Variants in ZNF618 observed in about 807,000 individuals in gnomAD.
ZNF618 encodes the protein zinc finger protein 618, also known as neural precursor cell expressed, developmentally down-regulated 10.
In ZNF618, 34 loss-of-function variants were observed where a neutral mutation model predicts 103.0. The observed-to-expected ratio is 0.33, with a 90% CI of 0.25 to 0.44. The LOEUF is 0.44. Among genes scored for constraint, ZNF618 ranks in the 20% least tolerant of loss-of-function variants. The pLI is 1.00. For missense variants in ZNF618, 1,059 were observed against 1,295.4 expected, an observed-to-expected ratio of 0.82 and a Z score of 2.80; for synonymous variants, 551 against 542.2, an observed-to-expected ratio of 1.02 and a Z score of -0.23.
At chr9:113,948,799 A>G (rs575487153) in intron 1 of ZNF618, among the ~76,000 whole-genome samples, 1 of 152,320 alleles carries the variant, frequency 6.6e-6, no homozygotes, top group Non-Finnish European at 1.5e-5. Flanking sequence ...AGCGCTGGTA[A>G]TAACAGGAAG....
chr9:114,049,786 G>A lies in ZNF618; in HGVS notation c.2484G>A (p.Lys828=). 1 of 1,614,026 alleles carries A rather than the reference G, an allele frequency of 6.2e-7. No individual in the cohort carries two copies. The highest frequency in any genetic ancestry group is 8.5e-7 in the Non-Finnish European group (1 of 1,179,910). Reference sequence around the variant, plus strand: ...ACCAGCACGAGGAGATCATCGGCAAGGTCTGTGAGCTCATCAACGAGGTGA... The same window carrying A: ...ACCAGCACGAGGAGATCATCGGCAAAGTCTGTGAGCTCATCAACGAGGTGA... The part of the protein sequence containing the change: ...PPYQHEEIIG[K]VCELINEVKE... The change falls in exon 15 of 15, where the codon AAG becomes AAA. Residue 828 remains lysine (K), a synonymous_variant. Transcript: ENST00000374126.
At chr9:113,925,161 G>A (rs370067401) in intron 1 of ZNF618, among the ~76,000 whole-genome samples, 109 of 152,060 alleles carry the variant, frequency 7.2e-4, no homozygotes, top group African/African-American at 2.5e-3. Context: ...TTCTGTTTTT[G>A]CTTCACATAT....
At chr9:114,006,779 C>T (rs976951031) in intron 6 of ZNF618, among the ~76,000 whole-genome samples, 1 of 152,166 alleles carries the variant, frequency 6.6e-6, no homozygotes, top group South Asian at 2.1e-4. Context: ...TGCTTTTAAA[C>T]TCACTCATGT....
At chr9:113,934,412 A>G (rs540463135) in intron 1 of ZNF618, among the ~76,000 whole-genome samples, 3 of 152,210 alleles carry the variant, frequency 2.0e-5, no homozygotes, top group Non-Finnish European at 4.4e-5. Context: ...CCTCATCTGC[A>G]GAGTGTAGAT....
At chr9:113,951,458 T>TGTACACATATGTGTGAGTGC (rs777028952) in intron 1 of ZNF618, among the ~76,000 whole-genome samples, 1 of 54,660 alleles carries the variant, frequency 1.8e-5, no homozygotes, top group African/African-American at 5.7e-5. Flanking sequence ...TGTGTATATA[T>TGTACACATATGTGTGAGTGC]ACATATATGT....
intron 1 of ZNF618, among the ~76,000 whole-genome samples, chr9:113,909,331 C>T (rs1027741380): frequency 1.3e-5 from 2 of 151,976 alleles, no homozygotes; most frequent in South Asian, 4.2e-4. Flanking sequence ...GTCCCTGTCC[C>T]CCTGGGTCTG....
At chr9:113,935,272 C>T (rs1417752393) in intron 1 of ZNF618, among the ~76,000 whole-genome samples, 5 of 152,206 alleles carry the variant, frequency 3.3e-5, no homozygotes, top group African/African-American at 1.2e-4. Flanking sequence ...GACATTGCCC[C>T]CCACTTTACA....
At chr9:114,037,002 A>G (rs193106453) in intron 13 of ZNF618, among the ~76,000 whole-genome samples, 101 of 152,338 alleles carry the variant, frequency 6.6e-4, no homozygotes, top group African/African-American at 2.3e-3. Context: ...TGCTGATGCT[A>G]CTGGTTCAGG....
intron 1 of ZNF618, among the ~76,000 whole-genome samples, chr9:113,903,487 T>A (rs976720695): frequency 3.3e-5 from 5 of 152,000 alleles, no homozygotes; most frequent in African/African-American, 1.2e-4. Context: ...TTTTTTTTTT[T>A]AATCAACACT....
Position 114,050,407 on chromosome 9 carries a change from G to A in ZNF618, c.*240G>A. The A allele has an allele frequency of 4.4e-6, 2 of 456,518 alleles. No homozygotes were observed. The highest frequency in any genetic ancestry group is 7.7e-6 in the Non-Finnish European group (2 of 260,116). 28.3% of individuals were successfully genotyped at this position (456,518 alleles called of 1,614,324 possible). A position where few individuals can be genotyped will look rare whatever the true frequency, so the allele number is the denominator to read the frequency against. ...TGTGGGGGTGTGGGGGGGTCTCTGTGCTCATCTCCATGGCCAGAGAAACTT... is the reference window on the plus strand; with the variant it reads ...TGTGGGGGTGTGGGGGGGTCTCTGTACTCATCTCCATGGCCAGAGAAACTT... On this transcript the variant is annotated 3_prime_UTR_variant, in exon 15 of 15. Coordinates refer to ENST00000374126, the MANE Select transcript of ZNF618 (RefSeq NM_001318042.2).
chr9:113,972,848 C>T (rs919948755), intron 2 of ZNF618, among the ~76,000 whole-genome samples: 5 of 152,184 alleles, frequency 3.3e-5, no homozygotes, highest in Non-Finnish European at 7.4e-5. Flanking sequence ...GGGCGGATCA[C>T]TTGAGGTCAG....
At chr9:113,928,595 C>T (rs535064670) in intron 1 of ZNF618, among the ~76,000 whole-genome samples, 1 of 152,292 alleles carries the variant, frequency 6.6e-6, no homozygotes, top group South Asian at 2.1e-4. Context: ...TTAATGTTCG[C>T]TGTAGCTGGA....
At chr9:114,033,613 G>A (rs1333841761) in intron 12 of ZNF618, among the ~76,000 whole-genome samples, 1 of 152,126 alleles carries the variant, frequency 6.6e-6, no homozygotes, top group Non-Finnish European at 1.5e-5. Flanking sequence ...GCAGCCAAGG[G>A]GCCTCTCCCA....
intron 3 of ZNF618, among the ~76,000 whole-genome samples, chr9:113,991,858 A>G (rs910019757): frequency 3.9e-5 from 6 of 152,176 alleles, no homozygotes; most frequent in Non-Finnish European, 7.3e-5. Context: ...TAGAAGCCCC[A>G]GTGACAAGGG....
rs1284412278 is a variant in ZNF618, at chr9:113,988,589, C to A, written c.337+9C>A. ...CAACCAGCAGACCCTTGGTGAGTGC[C>A]CAGCGTCTGTGGTCAGGGTGGAGAC... is the stretch of plus-strand genomic sequence containing the variant. On this transcript the variant is annotated intron_variant, in intron 3 of 14. Coordinates refer to ENST00000374126, the MANE Select transcript of ZNF618 (RefSeq NM_001318042.2). The A allele has an allele frequency of 3.8e-6, 6 of 1,599,924 alleles. No homozygotes were observed. Among genetic ancestry groups the A allele is most frequent in the Non-Finnish European group, 5.1e-6 (6 of 1,175,644 alleles).
intron 2 of ZNF618, among the ~76,000 whole-genome samples, chr9:113,985,382 A>G (rs759523437): frequency 6.6e-6 from 1 of 152,148 alleles, no homozygotes; most frequent in South Asian, 2.1e-4. Flanking sequence ...AGCAGTAGGA[A>G]TCACCTCCCT....
Position 113,951,469 on chromosome 9 carries a change from G to GTATATA in ZNF618, c.34-17647_34-17646insATATAT, listed in dbSNP as rs1564207244. 3.1e-3 allele frequency among the ~76,000 whole-genome samples: 61 copies of GTATATA among 19,948 alleles called. 2 individuals are homozygous for GTATATA. The highest frequency in any genetic ancestry group is 5.9e-3 in the African/African-American group (57 of 9,656). The allele number at this position is 19,948 out of a possible 152,430, so 13.1% of individuals were successfully genotyped here. A position where few individuals can be genotyped will look rare whatever the true frequency, so the allele number is the denominator to read the frequency against. Reference sequence around the variant, plus strand: ...TATATGTGTATATATACATATATGTGTGTATGTGTACACATATATGTGTGT... The same window carrying GTATATA: ...TATATGTGTATATATACATATATGTGTATATATGTATGTGTACACATATATGTGTGT... On this transcript the variant is annotated intron_variant, in intron 1 of 14. Coordinates refer to ENST00000374126, the MANE Select transcript of ZNF618 (RefSeq NM_001318042.2).
intron 1 of ZNF618, among the ~76,000 whole-genome samples, chr9:113,947,934 G>A (rs1219575800): frequency 6.6e-6 from 1 of 152,212 alleles, no homozygotes; most frequent in Non-Finnish European, 1.5e-5. Context: ...ATGGGAGGGA[G>A]AGGGGAGGTC....
chr9:114,034,418 GATAGCGCAAGCA>G (rs1165411495), intron 12 of ZNF618, among the ~76,000 whole-genome samples: 1 of 152,194 alleles, frequency 6.6e-6, no homozygotes, highest in Non-Finnish European at 1.5e-5. Flanking sequence ...AATCGGGAAC[GATAGCGCAAGCA>G]CTGCTGCTGC....
Sources: gnomAD v4.1 joint callset for allele counts (sites outside exome capture counted in the v4.1 genomes callset) on GRCh38, gnomAD v4.1.1 for gene constraint, MANE v1.5 for transcripts, NCBI Gene and HGNC (gene_info 2026-07-23, HGNC 2026-07-21) for gene names.